Variants in IRAK2 observed in about 807,000 individuals in gnomAD.
IRAK2 encodes interleukin 1 receptor associated kinase 2.
Under a neutral mutation model 72.0 loss-of-function variants are expected in IRAK2, and 57 were observed. The observed-to-expected ratio is 0.79, with a 90% CI of 0.64 to 0.99. The LOEUF (loss-of-function observed/expected upper bound fraction) is 0.99. IRAK2 is among the 50% of genes least tolerant of loss of function. IRAK2 has a pLI of 0.00. For synonymous variants in IRAK2, 293 were observed against 312.7 expected, an observed-to-expected ratio of 0.94 and a Z score of 0.67; for missense variants, 790 against 794.4, an observed-to-expected ratio of 0.99 and a Z score of 0.07.
At chr3:10,240,901 A>G (rs1263851438) in intron 12 of IRAK2, among the ~76,000 whole-genome samples, 3 of 151,634 alleles carry the variant, frequency 2.0e-5, no homozygotes, top group Non-Finnish European at 4.4e-5. Context: ...CTTAGTAAAC[A>G]TGGTTCAATG....
At chr3:10,175,814 C>T (rs747025853) in intron 1 of IRAK2, among the ~76,000 whole-genome samples, 30 of 139,148 alleles carry the variant, frequency 2.2e-4, no homozygotes, top group Non-Finnish European at 4.1e-4. Context: ...GGCCTGAACC[C>T]GGGAGGCGGA....
chr3:10,239,468 G>A (rs1698017877), intron 12 of IRAK2, among the ~76,000 whole-genome samples: 1 of 152,130 alleles, frequency 6.6e-6, no homozygotes, highest in South Asian at 2.1e-4. Flanking sequence ...CAGCACTTTG[G>A]GAGGCCGAGG....
At chr3:10,209,528 C>A in intron 3 of IRAK2, 61 bp from the exon 4 acceptor site, 4 of 1,121,328 alleles carry the variant, frequency 3.6e-6, no homozygotes, top group Admixed American at 2.7e-5. Context: ...AGGACTAGAC[C>A]AGGATCCCTC....
chr3:10,172,339 C>A (rs1696806584), intron 1 of IRAK2, among the ~76,000 whole-genome samples: 1 of 151,708 alleles, frequency 6.6e-6, no homozygotes, highest in Non-Finnish European at 1.5e-5. Context: ...TGCACTCCAG[C>A]CTGGGCGACA....
intron 2 of IRAK2, among the ~76,000 whole-genome samples, chr3:10,187,500 C>A (rs1697095603): frequency 6.6e-6 from 1 of 152,168 alleles, no homozygotes; most frequent in Non-Finnish European, 1.5e-5. Context: ...AGTAGCAGAT[C>A]ATGGTCTAGA....
At chr3:10,232,220 G>T (rs185149328) in intron 10 of IRAK2, among the ~76,000 whole-genome samples, 42 of 152,318 alleles carry the variant, frequency 2.8e-4, no homozygotes, top group African/African-American at 1.0e-3. Context: ...CATAGACTAG[G>T]TCATTTGCCC....
Position 10,238,974 on chromosome 3 carries a change from T to C in IRAK2, c.1700T>C (p.Val567Ala). The change falls in exon 12 of 13, where the codon GTC becomes GCC. Residue 567 changes from valine to alanine, a missense_variant. Transcript: ENST00000256458. ...PTENGEGRLRVIVGREADSSS... is the reference protein window; with the variant it reads ...PTENGEGRLRAIVGREADSSS... ...GAGAATGGGGAAGGAAGGCTGCGGG[T>C]CATCGTGGGAAGGGAGGCTGACTCC... is the stretch of plus-strand genomic sequence containing the variant. 1 of 1,613,866 alleles carries C rather than the reference T, an allele frequency of 6.2e-7. No individual in the cohort carries two copies. Among genetic ancestry groups the C allele is most frequent in the Non-Finnish European group, 8.5e-7 (1 of 1,179,892 alleles).
At chr3:10,186,356 C>G (rs4684037) in intron 2 of IRAK2, among the ~76,000 whole-genome samples, 19,537 of 151,676 alleles carry the variant, frequency 0.13, 1,629 homozygotes, top group Admixed American at 0.25. Context: ...AGCTTCTGCT[C>G]TCTTGGCTTC....
In IRAK2 at chr3:10,165,278, G is replaced by T. The variant is rs983122126; in HGVS notation, c.94+230G>T. Among the ~76,000 whole-genome samples the T allele has an allele frequency of 3.3e-5, 5 of 152,342 alleles. No homozygotes were observed. In the South Asian group the frequency reaches 8.3e-4, roughly 25 times the overall value. On this transcript the variant is annotated intron_variant, in intron 1 of 12. Coordinates refer to ENST00000256458, the MANE Select transcript of IRAK2 (RefSeq NM_001570.4). Reference sequence around the variant, plus strand: ...GACGAGCAGGGGCCGCCGCCACTGCGCTCTGAGTCCAGAGAACGGTGGGTA... The same window carrying T: ...GACGAGCAGGGGCCGCCGCCACTGCTCTCTGAGTCCAGAGAACGGTGGGTA...
intron 11 of IRAK2, among the ~76,000 whole-genome samples, chr3:10,237,476 T>C (rs1212828795): frequency 1.3e-5 from 2 of 152,182 alleles, no homozygotes; most frequent in Non-Finnish European, 2.9e-5. Flanking sequence ...GATCTTTTAA[T>C]TTTTTATTTA....
intron 2 of IRAK2, among the ~76,000 whole-genome samples, chr3:10,188,313 A>G (rs1410064822): frequency 1.8e-4 from 28 of 152,098 alleles, no homozygotes; most frequent in Non-Finnish European, 1.5e-5. Flanking sequence ...GCTGGACAAG[A>G]GAGTTAATAA....
intron 3 of IRAK2, among the ~76,000 whole-genome samples, chr3:10,200,949 G>A (rs941503319): frequency 7.1e-4 from 108 of 152,330 alleles, no homozygotes; most frequent in African/African-American, 2.5e-3. Flanking sequence ...TAAAATTAAT[G>A]TCAGACAGTC....
chr3:10,209,149 G>A (rs1212873867), intron 3 of IRAK2, among the ~76,000 whole-genome samples: 1 of 152,178 alleles, frequency 6.6e-6, no homozygotes, highest in African/African-American at 2.4e-5. Context: ...TATCCTCGGA[G>A]GATAGTTACT....
intron 1 of IRAK2, among the ~76,000 whole-genome samples, chr3:10,166,069 T>C (rs187640572): frequency 7.2e-5 from 11 of 152,296 alleles, no homozygotes; most frequent in African/African-American, 2.6e-4. Flanking sequence ...TGCTTCGGCC[T>C]CCCAAAGTGC....
At chr3:10,239,656 G>A (rs1304205774) in intron 12 of IRAK2, among the ~76,000 whole-genome samples, 1 of 151,906 alleles carries the variant, frequency 6.6e-6, no homozygotes, top group East Asian at 1.9e-4. Flanking sequence ...GAACCCGGGA[G>A]GCAGAGGTTG....
chr3:10,185,166 TG>T (rs1188884294), intron 2 of IRAK2, among the ~76,000 whole-genome samples: 1 of 151,554 alleles, frequency 6.6e-6, no homozygotes, highest in African/African-American at 2.4e-5. Context: ...CGCAAATTAT[TG>T]GGCCCCACCT....
At chr3:10,166,525 ATG>A (rs1388786163) in intron 1 of IRAK2, among the ~76,000 whole-genome samples, 1 of 152,214 alleles carries the variant, frequency 6.6e-6, no homozygotes, top group Non-Finnish European at 1.5e-5. Flanking sequence ...CTGAATCTGT[ATG>A]TAAACTGGAG....
At position 10,209,626 on chromosome 3, in the gene IRAK2, C is replaced by A. The variant is rs1697487426; in HGVS notation, c.462C>A (p.Leu154=). The change falls in exon 4 of 13, where the codon CTC becomes CTA. Residue 154 remains leucine, a synonymous_variant. Coordinates refer to ENST00000256458, the MANE Select transcript of IRAK2 (RefSeq NM_001570.4). ...SPARAHQPAF[L]QPPEEDAPHS... ...CCAGAGCCCACCAGCCGGCCTTTCT[C>A]CAGCCTCCTGAAGAAGATGCCCCTC... 1.9e-6 allele frequency: 3 copies of A among 1,571,026 alleles called. No homozygotes were observed. In the East Asian group the frequency reaches 7.4e-5, roughly 39 times the overall value.
chr3:10,191,388 G>A (rs1697174010), intron 2 of IRAK2, among the ~76,000 whole-genome samples: 1 of 152,090 alleles, frequency 6.6e-6, no homozygotes, highest in South Asian at 2.1e-4. Flanking sequence ...TGGTTATTTG[G>A]TAAGTACTCT....
Sources: gnomAD v4.1 joint callset for allele counts (sites outside exome capture counted in the v4.1 genomes callset) on GRCh38, gnomAD v4.1.1 for gene constraint, MANE v1.5 for transcripts, NCBI Gene and HGNC (gene_info 2026-07-23, HGNC 2026-07-21) for gene names.